NAV3: variants seen among roughly 807,000 people sequenced by gnomAD.
NAV3 encodes the protein neuron navigator 3, also known as pore membrane and/or filament interacting like protein 1.
Under a neutral mutation model 244.7 loss-of-function variants are expected in NAV3, and 87 were observed. The observed-to-expected ratio is 0.36, with a 90% confidence interval of 0.30 to 0.42. The LOEUF is 0.42. NAV3 is among the 20% of genes least tolerant of loss of function. The pLI is 1.00. For synonymous variants in NAV3, 1,126 were observed against 1,042.2 expected, an observed-to-expected ratio of 1.08 and a Z score of -1.55; for missense variants, 2,663 against 2,893.3, an observed-to-expected ratio of 0.92 and a Z score of 1.83.
At chr12:77,769,522 AT>A (rs984328178) in intron 2 of NAV3, among the ~76,000 whole-genome samples, 1 of 152,238 alleles carries the variant, frequency 6.6e-6, no homozygotes, top group Non-Finnish European at 1.5e-5. Flanking sequence ...TTCTCTATAC[AT>A]TTTTTTATTC....
At chr12:78,081,736 T>G (rs1413662391) in intron 12 of NAV3, among the ~76,000 whole-genome samples, 2 of 152,156 alleles carry the variant, frequency 1.3e-5, no homozygotes, top group Admixed American at 1.3e-4. Context: ...AGGCTTTGGT[T>G]ATCTTCCCTG....
intron 2 of NAV3, among the ~76,000 whole-genome samples, chr12:77,582,066 T>C (rs940967308): frequency 2.0e-5 from 3 of 152,212 alleles, no homozygotes; most frequent in African/African-American, 7.2e-5. Flanking sequence ...TACGTCCACA[T>C]GAGGGACAGG....
At chr12:77,875,305 C>G (rs1043568831) in intron 1 of NAV3, among the ~76,000 whole-genome samples, 1 of 151,984 alleles carries the variant, frequency 6.6e-6, no homozygotes, top group African/African-American at 2.4e-5. Flanking sequence ...AGGGTCATCC[C>G]TGTATATTAT....
At chr12:77,821,412 C>T (rs548924911) in intron 2 of NAV3, among the ~76,000 whole-genome samples, 13 of 152,078 alleles carry the variant, frequency 8.5e-5, no homozygotes, top group East Asian at 1.9e-4. Flanking sequence ...AATCCCTGAA[C>T]GAAACCTAAT....
chr12:77,691,333 G>GTATATATATATATATATATATATATA (rs1214933751), intron 2 of NAV3, among the ~76,000 whole-genome samples: 2 of 100,944 alleles, frequency 2.0e-5, no homozygotes, highest in African/African-American at 7.7e-5. Context: ...ATTTGTGTAT[G>GTATATATATATATATATATATATATA]TGTGTATATA....
At chr12:77,805,248 T>G (rs964753364) in intron 2 of NAV3, among the ~76,000 whole-genome samples, 3 of 152,230 alleles carry the variant, frequency 2.0e-5, no homozygotes, top group African/African-American at 4.8e-5. Context: ...TTGTGCAGGT[T>G]TTCAAAGGAA....
At chr12:78,169,005 A>G (rs1286382886) in intron 24 of NAV3, 139 bp downstream of exon 24, 1 of 538,478 alleles carries the variant, frequency 1.9e-6, no homozygotes, top group East Asian at 3.1e-5. Flanking sequence ...GTATTAATAC[A>G]TACTAGTAGT....
At chr12:78,002,955 ATGCCT>A (rs1873561052) in intron 7 of NAV3, among the ~76,000 whole-genome samples, 2 of 151,776 alleles carry the variant, frequency 1.3e-5, no homozygotes, top group African/African-American at 4.8e-5. Flanking sequence ...CAAAGTATAT[ATGCCT>A]GTACATAAAT....
chr12:77,579,579 T>C (rs372774835), intron 2 of NAV3, among the ~76,000 whole-genome samples: 1 of 152,198 alleles, frequency 6.6e-6, no homozygotes, highest in African/African-American at 2.4e-5. Context: ...GAGCCCTCAG[T>C]ACATAATTAC....
upstream of NAV3, among the ~76,000 whole-genome samples, chr12:77,827,727 A>G (rs141987182): frequency 1.8e-3 from 268 of 152,310 alleles, 2 homozygotes; most frequent in African/African-American, 6.2e-3. Context: ...TACTATGTGG[A>G]AAACTATCTT....
intron 16 of NAV3, among the ~76,000 whole-genome samples, chr12:78,123,816 C>T (rs578015785): frequency 2.0e-5 from 3 of 152,160 alleles, no homozygotes; most frequent in Non-Finnish European, 4.4e-5. Flanking sequence ...AGACAGCATA[C>T]GTAAAGACCA....
At chr12:78,031,803 T>C (rs1381738537) in intron 9 of NAV3, among the ~76,000 whole-genome samples, 1 of 150,616 alleles carries the variant, frequency 6.6e-6, no homozygotes, top group Admixed American at 6.6e-5. Context: ...AGTTAGTGGG[T>C]GCAGCGCACC....
chr12:77,979,559 C>T lies in NAV3; in HGVS notation c.671+10857C>T, dbSNP rs568205983. On this transcript the variant is annotated intron_variant, in intron 5 of 39. Transcript: ENST00000397909. ...TTGCATGTTTCAGTAACTTATCTTGCTTATGAGACTTTAACCATTAGTCAA... is the reference window on the plus strand; with the variant it reads ...TTGCATGTTTCAGTAACTTATCTTGTTTATGAGACTTTAACCATTAGTCAA... 6.8e-4 allele frequency among the ~76,000 whole-genome samples: 103 copies of T among 152,062 alleles called. 2 individuals carry two copies. In the South Asian group the frequency reaches 0.017, roughly 25 times the overall value.
chr12:77,910,309 AAG>A (rs369188453), intron 1 of NAV3, among the ~76,000 whole-genome samples: 1 of 151,944 alleles, frequency 6.6e-6, no homozygotes, highest in Non-Finnish European at 1.5e-5. Flanking sequence ...AAGAGGGAGC[AAG>A]AGAGAGAGGG....
chr12:77,711,473 G>T (rs868268850), intron 2 of NAV3, among the ~76,000 whole-genome samples: 2 of 152,188 alleles, frequency 1.3e-5, no homozygotes, highest in African/African-American at 4.8e-5. Context: ...TCTCTTTATT[G>T]CTGAAAATGG....
Position 78,043,540 on chromosome 12 carries a change from T to C in NAV3, c.2024-6453T>C, listed in dbSNP as rs984565538. Among the ~76,000 whole-genome samples, 29 of 152,286 alleles carry C rather than the reference T, an allele frequency of 1.9e-4. No homozygotes were observed. In the Middle Eastern group the frequency reaches 0.01, roughly 54 times the overall value. On this transcript the variant is annotated intron_variant, in intron 9 of 39. Coordinates refer to ENST00000397909, the MANE Select transcript of NAV3 (RefSeq NM_001024383.2). ...CCACAGTGGTTGAACTAATATATAC[T>C]CCCACCGACAGTGTAAAGGCGTTCC...
intron 9 of NAV3, among the ~76,000 whole-genome samples, chr12:78,029,778 A>G (rs1878670688): frequency 6.6e-6 from 1 of 152,194 alleles, no homozygotes; most frequent in African/African-American, 2.4e-5. Flanking sequence ...CCTTGAACAC[A>G]TTATTTTTTC....
chr12:77,923,838 A>G (rs1887938930), intron 1 of NAV3, among the ~76,000 whole-genome samples: 1 of 152,186 alleles, frequency 6.6e-6, no homozygotes, highest in Admixed American at 6.5e-5. Flanking sequence ...TGAAGAGTCC[A>G]CAATATATGC....
chr12:77,710,454 T>C (rs1876052782), intron 2 of NAV3, among the ~76,000 whole-genome samples: 1 of 151,696 alleles, frequency 6.6e-6, no homozygotes, highest in Non-Finnish European at 1.5e-5. Flanking sequence ...GAGTTCAAAT[T>C]TGAATCTACC....
Sources: allele counts gnomAD v4.1 joint callset (sites outside exome capture counted in the v4.1 genomes callset), GRCh38; gene constraint gnomAD v4.1.1; transcripts MANE v1.5; gene names NCBI Gene and HGNC (gene_info 2026-07-23, HGNC 2026-07-21).